The following KIF26B variants were observed in gnomAD, a reference collection of about 807,000 sequenced individuals.
KIF26B encodes the protein kinesin family member 26B, also known as kinesin-like protein KIF26B.
KIF26B carries 63 observed loss-of-function variants against 151.2 expected under a neutral mutation model. The ratio of observed to expected loss-of-function variants is 0.42; its 90% confidence interval spans 0.34 to 0.51. The LOEUF is 0.51. KIF26B is among the 20% of genes least tolerant of loss of function. KIF26B has a pLI of 0.07. For synonymous variants in KIF26B, 1,357 were observed against 1,262.1 expected (o/e 1.08, Z -1.59); for missense variants, 2,813 against 2,913.6 (o/e 0.97, Z 0.79).
intron 3 of KIF26B, among the ~76,000 whole-genome samples, chr1:245,400,316 C>T (rs1305498401): frequency 6.6e-6 from 1 of 152,106 alleles, no homozygotes; most frequent in Non-Finnish European, 1.5e-5. Context: ...ATCCTTTTCA[C>T]CTGATTTACT....
chr1:245,247,288 T>TAAA (rs769748932), intron 2 of KIF26B, among the ~76,000 whole-genome samples: 2 of 116,758 alleles, frequency 1.7e-5, no homozygotes, highest in Non-Finnish European at 1.8e-5. Context: ...TCATCTCTAC[T>TAAA]AAAAAAAAAA....
rs752446658 is a variant in KIF26B at position 245,686,007 on chromosome 1, GCCCGCCGCGGCA to G, written c.3031_3042del (p.Ala1011_Ala1014del). The G allele has an allele frequency of 1.3e-6, 2 of 1,584,766 alleles. No individual in the cohort carries two copies. Among genetic ancestry groups the G allele is most frequent in the Non-Finnish European group, 1.7e-6 (2 of 1,166,384 alleles). ...AGATGCAGAGGAGTCACTCACCTGT[GCCCGCCGCGGCA>G]CCCGCCCACAGCCCCAGCCCGGCCT... is the stretch of plus-strand genomic sequence containing the variant. On this transcript the variant is annotated inframe_deletion, in exon 12 of 15. Coordinates refer to ENST00000407071, the MANE Select transcript of KIF26B (RefSeq NM_018012.4). This position sits in a 1 kb window ranked among gnomAD's most constrained non-coding sequence, Gnocchi z 5.6.
intron 2 of KIF26B, among the ~76,000 whole-genome samples, chr1:245,242,990 GA>G (rs1020051439): frequency 6.6e-6 from 1 of 152,138 alleles, no homozygotes. Flanking sequence ...GGACATTTCG[GA>G]TTTTTCCCTC....
At chr1:245,387,160 TG>T (rs1673568410) in intron 3 of KIF26B, among the ~76,000 whole-genome samples, 3 of 93,192 alleles carry the variant, frequency 3.2e-5, no homozygotes, top group African/African-American at 1.5e-4. Flanking sequence ...TTTTGTTTTT[TG>T]TTTTTTGTTT....
At chr1:245,487,764 ATTTTT>A (rs11413237) in intron 4 of KIF26B, among the ~76,000 whole-genome samples, 8 of 132,656 alleles carry the variant, frequency 6.0e-5, no homozygotes, top group Non-Finnish European at 1.2e-4. Flanking sequence ...CATCCAGCTA[ATTTTT>A]TTTTTTTTTT....
chr1:245,705,478 C>T lies in KIF26B; in HGVS notation c.*2872C>T, dbSNP rs1029731327. 1.3e-5 allele frequency: 2 copies of T among 152,096 alleles called. No individual in the cohort carries two copies. The highest frequency in any genetic ancestry group is 6.6e-5 in the Admixed American group (1 of 15,266). 9.4% of individuals were successfully genotyped at this position (152,096 alleles called of 1,614,324 possible). ...CACGGGAGGATGCCTTACCCAGTGG[C>T]CAGACATGATAGTTCCAGGTCTCCC... On this transcript the variant is annotated 3_prime_UTR_variant, in exon 15 of 15. Coordinates refer to ENST00000407071, the MANE Select transcript of KIF26B (RefSeq NM_018012.4).
At chr1:245,386,236 G>A (rs1029966015) in intron 3 of KIF26B, among the ~76,000 whole-genome samples, 3 of 150,588 alleles carry the variant, frequency 2.0e-5, no homozygotes, top group Non-Finnish European at 4.4e-5. Flanking sequence ...GCAAGACTGT[G>A]TCTCAAAAAA....
chr1:245,521,962 C>A (rs970311554), intron 4 of KIF26B, among the ~76,000 whole-genome samples: 1 of 151,228 alleles, frequency 6.6e-6, no homozygotes, highest in East Asian at 1.9e-4. Context: ...CTCTGCCTCC[C>A]GTGTTCACGC....
intron 4 of KIF26B, among the ~76,000 whole-genome samples, chr1:245,513,670 TAAC>T (rs1268959372): frequency 6.6e-6 from 1 of 152,220 alleles, no homozygotes; most frequent in South Asian, 2.1e-4. Context: ...GCCGTCTTTC[TAAC>T]AACGGGTGCT....
chr1:245,573,714 T>G (rs1232641250), intron 5 of KIF26B, among the ~76,000 whole-genome samples: 3 of 151,662 alleles, frequency 2.0e-5, no homozygotes, highest in Non-Finnish European at 4.4e-5. Flanking sequence ...CTCTATAGAG[T>G]AGTTCCCCCT....
intron 12 of KIF26B, among the ~76,000 whole-genome samples, chr1:245,689,124 G>T (rs1399086075): frequency 6.6e-6 from 1 of 152,206 alleles, no homozygotes; most frequent in Non-Finnish European, 1.5e-5. Context: ...ATCCCTTGGC[G>T]CTCAGCAGGG....
In KIF26B at chr1:245,156,345, A is replaced by C. The variant is rs767266307; in HGVS notation, c.127A>C (p.Lys43Gln). ...CTTCTCCCCGGAAAGCTGGTACCGG[A>C]AAGCATACGAGGAGTCGCGCGCCGG... is the stretch of plus-strand genomic sequence containing the variant. ...APFSPESWYR[K>Q]AYEESRAGSR... Residue 43 changes from lysine to glutamine, a missense_variant, in exon 2 of 15, where the codon AAA (lysine) becomes CAA (glutamine). Around this residue, in one of 3 missense-constraint regions of KIF26B, gnomAD observed 676 missense variants for 688.1 expected, o/e 0.98. Transcript: ENST00000407071. 34 of 1,547,154 alleles carry C rather than the reference A, an allele frequency of 2.2e-5. No homozygotes were observed. Among genetic ancestry groups the C allele is most frequent in the Non-Finnish European group, 2.8e-5 (32 of 1,145,810 alleles).
At chr1:245,518,456 A>G (rs1176275614) in intron 4 of KIF26B, among the ~76,000 whole-genome samples, 1 of 152,198 alleles carries the variant, frequency 6.6e-6, no homozygotes, top group Non-Finnish European at 1.5e-5. Flanking sequence ...AGGAAAAACT[A>G]TTCAGGAGAA....
In KIF26B at chr1:245,416,280, CA is replaced by C. The variant is rs34744401; in HGVS notation, c.1000-3280del. ...GGGCAACAAGAGCGAAACTCTGTCT[CA>C]AAAAAAAAAAAAAAAAAAGAATCAA... On this transcript the variant is annotated intron_variant, in intron 3 of 14. Transcript: ENST00000407071. 4.6e-3 allele frequency among the ~76,000 whole-genome samples: 236 copies of C among 51,420 alleles called. 1 individual carries two copies. Among genetic ancestry groups the C allele is most frequent in the East Asian group, 7.1e-3 (11 of 1,550 alleles). The allele number at this position is 51,420 out of a possible 152,430, so 33.7% of individuals were successfully genotyped here. A position where few individuals can be genotyped will look rare whatever the true frequency, so the allele number is the denominator to read the frequency against.
chr1:245,332,126 G>A (rs1171536468), intron 2 of KIF26B, among the ~76,000 whole-genome samples: 5 of 152,136 alleles, frequency 3.3e-5, no homozygotes, highest in South Asian at 2.1e-4. Context: ...ACTCTGTCTC[G>A]AAATAAATAA....
At chr1:245,215,632 G>A (rs142579594) in intron 2 of KIF26B, among the ~76,000 whole-genome samples, 12 of 152,286 alleles carry the variant, frequency 7.9e-5, no homozygotes, top group Middle Eastern at 3.4e-3. Flanking sequence ...TGCTGGGCTC[G>A]GGGTGTGGAA....
Position 245,597,175 on chromosome 1 carries a change from T to A in KIF26B, c.1351-5402T>A, listed in dbSNP as rs1418395512. Among the ~76,000 whole-genome samples the A allele has an allele frequency of 3.3e-5, 5 of 152,258 alleles. No homozygotes were observed. Among genetic ancestry groups the A allele is most frequent in the African/African-American group, 1.2e-4 (5 of 41,464 alleles). On this transcript the variant is annotated intron_variant, in intron 5 of 14. Transcript: ENST00000407071. The surrounding 1 kb of genome is among the most constrained non-coding windows in gnomAD (Gnocchi z 4.6). ...TGTGAATTTGATCCTGTCATTATGA[T>A]GCTAGCTGGTTATTTTTCCCATTAG...
intron 2 of KIF26B, among the ~76,000 whole-genome samples, chr1:245,339,658 A>T (rs1232795186): frequency 6.6e-6 from 1 of 152,252 alleles, no homozygotes; most frequent in African/African-American, 2.4e-5. Context: ...AGTAATTTTT[A>T]GTATAGTCAC....
At chr1:245,518,266 T>C (rs12048491) in intron 4 of KIF26B, among the ~76,000 whole-genome samples, 37,832 of 152,014 alleles carry the variant, frequency 0.25, 5,743 homozygotes, top group East Asian at 0.49. Flanking sequence ...TCACCTTAAA[T>C]AGGATGTTAT....
Sources: gnomAD v4.1 joint callset for allele counts (sites outside exome capture counted in the v4.1 genomes callset) on GRCh38, gnomAD v4.1.1 for gene constraint, gnomAD v4.1.1 regional missense constraint, Gnocchi (gnomAD v3.1) non-coding constraint, MANE v1.5 for transcripts, NCBI Gene and HGNC (gene_info 2026-07-23, HGNC 2026-07-21) for gene names.